Variants in KDM6A observed in about 807,000 individuals in gnomAD.
KDM6A encodes lysine-specific demethylase 6A.
Under a neutral mutation model 117.6 loss-of-function variants are expected in KDM6A, and 11 were observed. The observed-to-expected ratio is 0.09, with a 90% CI of 0.06 to 0.15. The LOEUF is 0.15. Among genes scored for constraint, KDM6A ranks in the 10% least tolerant of loss-of-function variants. The probability of loss-of-function intolerance (pLI) is 1.00; values close to 1 mark genes in which losing one functional copy is unlikely to be tolerated. For missense variants in KDM6A, 799 were observed against 1,077.3 expected (o/e 0.74, Z 3.62); for synonymous variants, 384 against 396.1 (o/e 0.97, Z 0.36).
At chrX:45,102,103 A>G (rs983847476) in intron 27 of KDM6A, among the ~76,000 whole-genome samples, 15 of 111,741 alleles carry the variant, frequency 1.3e-4, no homozygotes, top group African/African-American at 4.2e-4. Context: ...TTACCAGTCT[A>G]TTGAAAAATA....
intron 17 of KDM6A, among the ~76,000 whole-genome samples, chrX:45,067,667 T>C (rs542993001): frequency 5.4e-4 from 54 of 100,780 alleles, no homozygotes; most frequent in African/African-American, 2.0e-3. Context: ...TTTTTTTTTT[T>C]TTTGAGATGG....
At position 45,061,483 on chromosome X, in the gene KDM6A, A is replaced by ATT. The variant is rs1161774144; in HGVS notation, c.1581+89_1581+90dup. ...GAGTAGAGGTAGCAAACAAGTATTA[A>ATT]TTTTTTTTTTTTTTTTTTTTTTTTT... On this transcript the variant is annotated intron_variant, in intron 15 of 29. Transcript: ENST00000611820. The ATT allele has an allele frequency of 0.015, 3,557 of 230,163 alleles. 115 individuals carry two copies. Among genetic ancestry groups the ATT allele is most frequent in the African/African-American group, 0.063 (1,064 of 16,927 alleles). 19.0% of individuals were successfully genotyped at this position (230,163 alleles called of 1,213,427 possible).
Position 44,961,484 on chromosome X carries a change from G to GTT in KDM6A, c.334+93_334+94insTT, listed in dbSNP as rs929435975. 8 of 576,945 alleles carry GTT rather than the reference G, an allele frequency of 1.4e-5. No individual in the cohort carries two copies. In the African/African-American group the frequency reaches 1.8e-4, roughly 13 times the overall value. The allele number at this position is 576,945 out of a possible 1,213,427, so 47.5% of individuals were successfully genotyped here. A position where few individuals can be genotyped will look rare whatever the true frequency, so the allele number is the denominator to read the frequency against. On this transcript the variant is annotated intron_variant, in intron 3 of 29. Transcript: ENST00000611820. Reference sequence around the variant, plus strand: ...ATCAAGAGGATTTTCCTAAGAAATTGTAAGTGCATGAGCAAACTAAACAAT... The same window carrying GTT: ...ATCAAGAGGATTTTCCTAAGAAATTGTTTAAGTGCATGAGCAAACTAAACAAT...
At position 45,053,879 on chromosome X, in the gene KDM6A, A is replaced by G. The variant is rs755424528; in HGVS notation, c.799A>G (p.Ser267Gly). The G allele has an allele frequency of 7.5e-6, 9 of 1,197,013 alleles. No homozygotes were observed. The East Asian group carries it at 2.4e-4, about 32-fold the overall frequency. ...CCTGGGAGATAAAGCCACCAAGGAA[A>G]GCTATGCTATTCAGTATCTCCAAAA... ...DLLGDKATKESYAIQYLQKSL... is the reference protein window; with the variant it reads ...DLLGDKATKEGYAIQYLQKSL... The change falls in exon 10 of 30, where the codon AGC (serine) becomes GGC (glycine). Residue 267 changes from serine (S) to glycine (G), a missense_variant. By Grantham distance (56) the Ser-to-Gly change is moderately conservative. Around this residue, in one of 8 missense-constraint regions of KDM6A, gnomAD observed 63 missense variants for 68.2 expected, o/e 0.92. Transcript: ENST00000611820.
intron 8 of KDM6A, among the ~76,000 whole-genome samples, chrX:45,041,800 C>T (rs1339955586): frequency 1.8e-5 from 2 of 108,782 alleles, no homozygotes; most frequent in Non-Finnish European, 3.8e-5. Context: ...TCCTCATATC[C>T]CAGACGATGG....
At chrX:45,094,054 A>G (rs1178104278) in intron 27 of KDM6A, among the ~76,000 whole-genome samples, 1 of 111,621 alleles carries the variant, frequency 9.0e-6, no homozygotes, top group African/African-American at 3.3e-5. Flanking sequence ...CCACAAGTCT[A>G]GACCCCTAGG....
chrX:45,033,319 T>C (rs1357992034), intron 6 of KDM6A, among the ~76,000 whole-genome samples: 1 of 112,201 alleles, frequency 8.9e-6, no homozygotes. Flanking sequence ...GTCTGCTTAG[T>C]AGGCCAAGGG....
intron 6 of KDM6A, among the ~76,000 whole-genome samples, chrX:45,026,546 G>T (rs755219810): frequency 9.1e-6 from 1 of 110,276 alleles, no homozygotes; most frequent in African/African-American, 3.3e-5. Context: ...AAATATTGTG[G>T]GCCGGGCGCA....
chrX:45,104,075 A>AGTGC (rs1408388143), intron 27 of KDM6A, among the ~76,000 whole-genome samples: 1 of 98,026 alleles, frequency 1.0e-5, no homozygotes, highest in Non-Finnish European at 2.0e-5. Flanking sequence ...CCCAGGCTGG[A>AGTGC]GTGCAATGGT....
chrX:45,054,575 C>T (rs1394770643), intron 10 of KDM6A, among the ~76,000 whole-genome samples: 1 of 111,760 alleles, frequency 8.9e-6, no homozygotes, highest in Non-Finnish European at 1.9e-5. Context: ...CTGAATTATG[C>T]TTAGTGATGA....
chrX:44,947,295 A>T (rs1472972906), intron 2 of KDM6A, among the ~76,000 whole-genome samples: 1 of 110,478 alleles, frequency 9.1e-6, no homozygotes, highest in African/African-American at 3.3e-5. Context: ...TTGGATTGTT[A>T]TTAGTTGAAG....
At position 44,935,806 on chromosome X, in the gene KDM6A, T is replaced by C. The variant is rs148256573; in HGVS notation, c.226-25478T>C. Reference sequence around the variant, plus strand: ...AATAGTCATTCAGACAAGTAAGACCTGATCAGGTCGCGCTTGGCATCATAT... The same window carrying C: ...AATAGTCATTCAGACAAGTAAGACCCGATCAGGTCGCGCTTGGCATCATAT... On this transcript the variant is annotated intron_variant, in intron 2 of 29. Coordinates refer to ENST00000611820, the MANE Select transcript of KDM6A (RefSeq NM_001291415.2). Among the ~76,000 whole-genome samples, 485 of 112,021 alleles carry C rather than the reference T, an allele frequency of 4.3e-3. 2 individuals are homozygous for C. Among genetic ancestry groups the C allele is most frequent in the African/African-American group, 0.015 (448 of 30,834 alleles).
At chrX:44,889,347 AGT>A (rs774172771) in intron 2 of KDM6A, among the ~76,000 whole-genome samples, 3 of 112,297 alleles carry the variant, frequency 2.7e-5, no homozygotes, top group Non-Finnish European at 3.8e-5. Context: ...TTGCTGTGTG[AGT>A]GTGTCTGTGT....
chrX:44,874,533 T>C (rs1295960897), intron 2 of KDM6A, among the ~76,000 whole-genome samples: 1 of 111,697 alleles, frequency 9.0e-6, no homozygotes, highest in Non-Finnish European at 1.9e-5. Context: ...GATTGCAGTG[T>C]GTGTTACCTG....
chrX:45,082,836 C>G (rs774487363), intron 23 of KDM6A, 47 bp downstream of exon 23: 2 of 820,547 alleles, frequency 2.4e-6, no homozygotes, highest in Non-Finnish European at 3.7e-6. Context: ...AAAGAGTTAT[C>G]CTGTGCTAGA....
At chrX:45,034,868 T>C in intron 6 of KDM6A, 63 bp from the exon 7 acceptor site, 1 of 923,043 alleles carries the variant, frequency 1.1e-6, no homozygotes, top group Non-Finnish European at 1.6e-6. Flanking sequence ...CTGAAAAGTA[T>C]CTTAAGATGC....
At chrX:45,033,135 A>C (rs770419192) in intron 6 of KDM6A, among the ~76,000 whole-genome samples, 1 of 112,111 alleles carries the variant, frequency 8.9e-6, no homozygotes. Flanking sequence ...TTACAGGACA[A>C]ATTAGACTTA....
intron 8 of KDM6A, among the ~76,000 whole-genome samples, chrX:45,045,160 A>G (rs939436668): frequency 1.8e-5 from 2 of 111,753 alleles, no homozygotes; most frequent in Admixed American, 1.9e-4. Flanking sequence ...TGTCACCACC[A>G]TTCATCACTA....
At chrX:44,970,863 C>T (rs994183607) in intron 3 of KDM6A, among the ~76,000 whole-genome samples, 3 of 111,607 alleles carry the variant, frequency 2.7e-5, no homozygotes, top group African/African-American at 9.8e-5. Context: ...GGCTTCATCC[C>T]AAGATAGTTC....
Sources: gnomAD v4.1 joint callset for allele counts (sites outside exome capture counted in the v4.1 genomes callset) on GRCh38, gnomAD v4.1.1 for gene constraint, gnomAD v4.1.1 regional missense constraint, MANE v1.5 for transcripts, NCBI Gene and HGNC (gene_info 2026-07-23, HGNC 2026-07-21) for gene names.